CCDC178: variants seen among roughly 807,000 people sequenced by gnomAD.
CCDC178 encodes the protein coiled-coil domain-containing protein 178.
In CCDC178, 126 loss-of-function variants were observed where a neutral mutation model predicts 117.4. The observed-to-expected ratio is 1.07, with a 90% confidence interval of 0.93 to 1.24. The LOEUF (loss-of-function observed/expected upper bound fraction) is 1.24. CCDC178 is among the 50% of genes most tolerant of loss of function. The probability of loss-of-function intolerance (pLI) is 0.00; values close to 1 mark genes in which losing one functional copy is unlikely to be tolerated. For synonymous variants in CCDC178, 283 were observed against 313.4 expected (o/e 0.90, Z 1.02); for missense variants, 1,030 against 986.9 (o/e 1.04, Z -0.59).
chr18:33,110,991 C>T (rs1412739850), intron 20 of CCDC178, among the ~76,000 whole-genome samples: 2 of 151,522 alleles, frequency 1.3e-5, no homozygotes, highest in African/African-American at 2.4e-5. Flanking sequence ...AGAGAATGCA[C>T]ATCTTCAAAA....
intron 21 of CCDC178, among the ~76,000 whole-genome samples, chr18:33,089,035 A>T (rs2057424214): frequency 6.6e-6 from 1 of 152,132 alleles, no homozygotes; most frequent in Non-Finnish European, 1.5e-5. Flanking sequence ...TATGAAACCT[A>T]CCTAAAATCC....
intron 12 of CCDC178, among the ~76,000 whole-genome samples, chr18:33,287,724 A>T (rs2060116596): frequency 6.6e-6 from 1 of 152,204 alleles, no homozygotes; most frequent in Non-Finnish European, 1.5e-5. Context: ...GGTTGCAGTG[A>T]GCCCAGATCA....
At chr18:33,250,192 T>G (rs538650320) in intron 14 of CCDC178, among the ~76,000 whole-genome samples, 19 of 151,872 alleles carry the variant, frequency 1.3e-4, no homozygotes, top group South Asian at 4.1e-4. Context: ...TTGTGAAAAA[T>G]TATTATTTAA....
chr18:33,366,210 A>T (rs879411038), intron 6 of CCDC178, among the ~76,000 whole-genome samples: 1 of 151,996 alleles, frequency 6.6e-6, no homozygotes, highest in Non-Finnish European at 1.5e-5. Flanking sequence ...CATGCCTGTA[A>T]TCCTAACCTT....
intron 20 of CCDC178, among the ~76,000 whole-genome samples, chr18:33,201,741 C>T (rs1400615457): frequency 6.6e-6 from 1 of 152,126 alleles, no homozygotes; most frequent in East Asian, 1.9e-4. Context: ...AGACAGGAAG[C>T]TAAAGGAAGC....
chr18:33,214,854 A>G (rs2059147268), intron 19 of CCDC178, among the ~76,000 whole-genome samples: 1 of 152,026 alleles, frequency 6.6e-6, no homozygotes, highest in Non-Finnish European at 1.5e-5. Context: ...GATTTTGCTA[A>G]TGCTTGTAGT....
At chr18:32,949,750 T>C (rs2054438772) in intron 22 of CCDC178, among the ~76,000 whole-genome samples, 1 of 152,210 alleles carries the variant, frequency 6.6e-6, no homozygotes, top group African/African-American at 2.4e-5. Flanking sequence ...TCTGGTATTT[T>C]TTGCATTCCT....
intron 11 of CCDC178, among the ~76,000 whole-genome samples, chr18:33,317,967 C>T (rs1009606750): frequency 1.3e-5 from 2 of 152,042 alleles, no homozygotes; most frequent in South Asian, 2.1e-4. Context: ...CCAGCAGCAC[C>T]GTGACCATTG....
intron 21 of CCDC178, among the ~76,000 whole-genome samples, chr18:33,062,867 G>A (rs967201341): frequency 3.3e-5 from 5 of 149,326 alleles, no homozygotes; most frequent in South Asian, 4.2e-4. Flanking sequence ...CCTAGATGCC[G>A]AAGTGTCACA....
Position 33,180,431 on chromosome 18 carries a change from A to G in CCDC178, c.2238+31465T>C, listed in dbSNP as rs372157479. Among the ~76,000 whole-genome samples the G allele has an allele frequency of 3.9e-5, 6 of 152,016 alleles. No individual in the cohort carries two copies. The East Asian group carries it at 9.7e-4, about 24-fold the overall frequency. ...CATTTCATTAGATCCAGTATAATAT[A>G]TCATAATGATTTTAAAGGTATGCTA... On this transcript the variant is annotated intron_variant, in intron 20 of 22. Transcript: ENST00000383096.
intron 3 of CCDC178, among the ~76,000 whole-genome samples, chr18:33,403,214 G>T (rs905191583): frequency 2.0e-5 from 3 of 152,084 alleles, no homozygotes; most frequent in African/African-American, 4.8e-5. Flanking sequence ...ATCTGAACAT[G>T]CACATAAAGA....
At chr18:33,225,635 T>G (rs1320107946) in intron 16 of CCDC178, among the ~76,000 whole-genome samples, 1 of 152,126 alleles carries the variant, frequency 6.6e-6, no homozygotes, top group South Asian at 2.1e-4. Context: ...TAATAACACA[T>G]CGTGGAATAT....
At chr18:33,431,516 A>G (rs905604162) in intron 2 of CCDC178, among the ~76,000 whole-genome samples, 1 of 152,184 alleles carries the variant, frequency 6.6e-6, no homozygotes, top group Non-Finnish European at 1.5e-5. Flanking sequence ...ATTTACACCA[A>G]TTCACATTAG....
At chr18:33,376,909 A>G (rs2063374805) in intron 5 of CCDC178, among the ~76,000 whole-genome samples, 1 of 152,204 alleles carries the variant, frequency 6.6e-6, no homozygotes, top group South Asian at 2.1e-4. Flanking sequence ...GCTGTGATGA[A>G]CAAATGAGTG....
chr18:33,224,784 T>C lies in CCDC178; in HGVS notation c.1809A>G (p.Glu603=). ...EAERIRSLDK[E]HSVMLNNIID... is the part of the protein sequence containing the mutation. ...TTAATTAAATGCTTACAACAGAATG[T>C]TCTTTGTCGAGACTTCTGATTCTTT... The change falls in exon 17 of 23, where the codon GAA becomes GAG. Residue 603 remains glutamate (E), a synonymous_variant. Transcript: ENST00000383096. The C allele has an allele frequency of 6.5e-7, 1 of 1,527,416 alleles. No homozygotes were observed. The highest frequency in any genetic ancestry group is 8.8e-7 in the Non-Finnish European group (1 of 1,136,976). The allele number at this position is 1,527,416 out of a possible 1,614,324, so 94.6% of individuals were successfully genotyped here. A position where few individuals can be genotyped will look rare whatever the true frequency, so the allele number is the denominator to read the frequency against.
chr18:33,023,195 G>A (rs946337120), intron 21 of CCDC178, among the ~76,000 whole-genome samples: 2 of 152,032 alleles, frequency 1.3e-5, no homozygotes, highest in Non-Finnish European at 2.9e-5. Flanking sequence ...AATCATTAAG[G>A]ACAGAGAAGA....
chr18:33,143,279 C>A (rs983727933), intron 20 of CCDC178, among the ~76,000 whole-genome samples: 2 of 152,084 alleles, frequency 1.3e-5, no homozygotes, highest in Non-Finnish European at 2.9e-5. Context: ...AGTATCTTTT[C>A]AGTGAAGAAG....
intron 22 of CCDC178, among the ~76,000 whole-genome samples, chr18:32,966,257 T>G (rs1314574940): frequency 1.3e-5 from 2 of 151,730 alleles, no homozygotes; most frequent in Non-Finnish European, 2.9e-5. Flanking sequence ...GTCTAAGTAT[T>G]TGTGGGGCTT....
chr18:33,165,866 T>A (rs1335849151), intron 20 of CCDC178, among the ~76,000 whole-genome samples: 1 of 152,218 alleles, frequency 6.6e-6, no homozygotes, highest in Non-Finnish European at 1.5e-5. Flanking sequence ...TGAGATTTAA[T>A]GCAATTAATA....
Sources: allele counts gnomAD v4.1 joint callset (sites outside exome capture counted in the v4.1 genomes callset), GRCh38; gene constraint gnomAD v4.1.1; transcripts MANE v1.5; gene names NCBI Gene and HGNC (gene_info 2026-07-23, HGNC 2026-07-21).